Variants in CTNNA1 observed in about 807,000 individuals in gnomAD.
The protein encoded by CTNNA1 is catenin alpha 1.
In CTNNA1, 37 loss-of-function variants were observed where a neutral mutation model predicts 98.4. The ratio of observed to expected loss-of-function variants is 0.38; its 90% CI spans 0.29 to 0.49. The LOEUF (loss-of-function observed/expected upper bound fraction) is 0.49. Ranked by LOEUF, CTNNA1 falls within the 20% of genes least tolerant of loss-of-function variation. CTNNA1 has a pLI of 0.95. For missense variants in CTNNA1, 761 were observed against 1,147.2 expected (o/e 0.66, Z 4.86); for synonymous variants, 404 against 413.2 (o/e 0.98, Z 0.27).
intron 7 of CTNNA1, among the ~76,000 whole-genome samples, chr5:138,836,932 A>T (rs562517623): frequency 9.2e-5 from 14 of 152,166 alleles, no homozygotes; most frequent in Admixed American, 3.9e-4. Flanking sequence ...TATGTTGTTA[A>T]TGTCACAAAG....
chr5:138,767,248 G>C (rs1476935402), intron 1 of CTNNA1, among the ~76,000 whole-genome samples: 1 of 152,132 alleles, frequency 6.6e-6, no homozygotes, highest in Non-Finnish European at 1.5e-5. Context: ...GTGTTAGCCA[G>C]GATGGTCTCG....
chr5:138,834,339 T>G (rs1761565193), intron 7 of CTNNA1, among the ~76,000 whole-genome samples: 1 of 152,240 alleles, frequency 6.6e-6, no homozygotes, highest in Non-Finnish European at 1.5e-5. Flanking sequence ...CAGACTTAAT[T>G]CGGATCTGTG....
rs574117834 is a variant in CTNNA1, at chr5:138,875,416, C to T, written c.1063-10796C>T. On this transcript the variant is annotated intron_variant, in intron 7 of 17. Transcript: ENST00000302763. ...ATGACGTGTCTTTTGTTTGGGTTTT[C>T]CAGAAGCTTTACTGTTATAAAGCAC... The T allele has an allele frequency of 1.3e-5, 13 of 985,774 alleles. 1 individual carries two copies. In the South Asian group the frequency reaches 6.1e-4, roughly 46 times the overall value. 61.1% of individuals were successfully genotyped at this position (985,774 alleles called of 1,614,324 possible).
intron 1 of CTNNA1, chr5:138,754,311 A>AAAAAAAGCACT (rs1751379618): frequency 1.3e-5 from 2 of 152,022 alleles, no homozygotes; most frequent in Admixed American, 1.3e-4. Flanking sequence ...GTTGGAAAAA[A>AAAAAAAGCACT]TGTTGCCTGA....
At chr5:138,812,338 C>T in intron 5 of CTNNA1, 36 bp downstream of exon 5, 1 of 1,593,470 alleles carries the variant, frequency 6.3e-7, no homozygotes, top group Non-Finnish European at 8.5e-7. Context: ...TAAAGTTGTT[C>T]ATTTTACTAT....
chr5:138,770,950 CAAAA>C (rs10712613), intron 1 of CTNNA1, among the ~76,000 whole-genome samples: 2 of 128,278 alleles, frequency 1.6e-5, no homozygotes, highest in Non-Finnish European at 3.3e-5. Context: ...GACTCCGTCT[CAAAA>C]AAAAAAAAAA....
At chr5:138,911,678 A>C (rs1450814944) in intron 10 of CTNNA1, among the ~76,000 whole-genome samples, 1 of 152,226 alleles carries the variant, frequency 6.6e-6, no homozygotes, top group Non-Finnish European at 1.5e-5. Flanking sequence ...TGTAAGACCC[A>C]TTTCAGAATT....
intron 10 of CTNNA1, among the ~76,000 whole-genome samples, chr5:138,905,533 G>T (rs903550669): frequency 7.9e-5 from 12 of 152,222 alleles, no homozygotes; most frequent in Non-Finnish European, 1.3e-4. Flanking sequence ...GTGTCATAAA[G>T]CAGCCTTATG....
At chr5:138,775,745 G>A (rs1448181468) in intron 1 of CTNNA1, among the ~76,000 whole-genome samples, 4 of 118,116 alleles carry the variant, frequency 3.4e-5, no homozygotes, top group Admixed American at 1.0e-4. Flanking sequence ...TTTTTGAGTC[G>A]GAGTCTTGCT....
chr5:138,795,461 AAAAAAAG>A (rs752612221), intron 3 of CTNNA1, among the ~76,000 whole-genome samples: 117 of 152,268 alleles, frequency 7.7e-4, no homozygotes, highest in East Asian at 1.7e-3. Context: ...GTCTCAGAAA[AAAAAAAG>A]AAAAAAGAAA....
At chr5:138,915,236 G>T (rs1000583632) in intron 10 of CTNNA1, among the ~76,000 whole-genome samples, 3 of 152,094 alleles carry the variant, frequency 2.0e-5, no homozygotes, top group Admixed American at 2.0e-4. Context: ...TCCTCTCAGC[G>T]CATTTTCATA....
intron 13 of CTNNA1, among the ~76,000 whole-genome samples, chr5:138,927,432 G>C (rs1764312628): frequency 6.6e-6 from 1 of 152,046 alleles, no homozygotes; most frequent in Non-Finnish European, 1.5e-5. Flanking sequence ...GCAGTTCCCT[G>C]GGCCAATGCC....
intron 3 of CTNNA1, among the ~76,000 whole-genome samples, chr5:138,785,717 C>T (rs547735097): frequency 6.6e-6 from 1 of 152,168 alleles, no homozygotes; most frequent in South Asian, 2.1e-4. Flanking sequence ...TATGCCACCA[C>T]ACCCAGCTAA....
chr5:138,784,145 C>T (rs1364188486), intron 3 of CTNNA1, among the ~76,000 whole-genome samples: 1 of 152,230 alleles, frequency 6.6e-6, no homozygotes. Flanking sequence ...CTCAAACAAT[C>T]CGCCTGCCTC....
At chr5:138,864,514 A>G (rs1232563362) in intron 7 of CTNNA1, among the ~76,000 whole-genome samples, 2 of 152,172 alleles carry the variant, frequency 1.3e-5, no homozygotes, top group Admixed American at 6.5e-5. Context: ...CAGACCACCA[A>G]CGAGAAGAAG....
intron 11 of CTNNA1, 143 bp downstream of exon 11, chr5:138,918,041 A>T (rs1467912568): frequency 7.3e-6 from 7 of 956,712 alleles, no homozygotes; most frequent in Non-Finnish European, 1.1e-5. Flanking sequence ...TTTTAATGTT[A>T]AAAAAGCTAT....
In CTNNA1 at chr5:138,934,355, G is replaced by GC. The variant is rs1766088276; in HGVS notation, c.*267dup. 2 of 433,712 alleles carry GC rather than the reference G, an allele frequency of 4.6e-6. No homozygotes were observed. Among genetic ancestry groups the GC allele is most frequent in the Middle Eastern group, 6.3e-4 (1 of 1,586 alleles). 26.9% of individuals were successfully genotyped at this position (433,712 alleles called of 1,614,324 possible). On this transcript the variant is annotated 3_prime_UTR_variant, in exon 18 of 18. Coordinates refer to ENST00000302763, the MANE Select transcript of CTNNA1 (RefSeq NM_001903.5). ...CATAACCAAAGAGAATCCCACATTA[G>GC]CTTGTTAGTAATGCTCTGACCAAGC...
chr5:138,823,657 C>A (rs1194181451), intron 5 of CTNNA1, among the ~76,000 whole-genome samples: 3 of 152,144 alleles, frequency 2.0e-5, no homozygotes, highest in African/African-American at 7.2e-5. Context: ...AAAACTCTTA[C>A]AATAAAATTA....
intron 1 of CTNNA1, among the ~76,000 whole-genome samples, chr5:138,777,881 GA>G: frequency 4.7e-5 from 2 of 42,540 alleles, no homozygotes; most frequent in Non-Finnish European, 5.1e-5. Context: ...TGGGGAGAGG[GA>G]GAGGGAGAGG....
Sources: allele counts gnomAD v4.1 joint callset (sites outside exome capture counted in the v4.1 genomes callset), GRCh38; gene constraint gnomAD v4.1.1; transcripts MANE v1.5; gene names NCBI Gene and HGNC (gene_info 2026-07-23, HGNC 2026-07-21).